RETREG1: variants seen among roughly 807,000 people sequenced by gnomAD.
RETREG1 encodes the protein family with sequence similarity 134 member B.
In RETREG1, 44 loss-of-function variants were observed where a neutral mutation model predicts 54.8. The observed-to-expected ratio is 0.80, with a 90% CI of 0.63 to 1.03. The LOEUF (loss-of-function observed/expected upper bound fraction) is 1.03, where lower values mean the gene tolerates loss of function less well. Ranked by LOEUF, RETREG1 falls within the 50% of genes least tolerant of loss-of-function variation. The pLI is 0.00. For missense variants in RETREG1, 554 were observed against 605.1 expected (o/e 0.92, Z 0.89); for synonymous variants, 217 against 238.5 (o/e 0.91, Z 0.83).
intron 1 of RETREG1, among the ~76,000 whole-genome samples, chr5:16,611,322 G>A (rs1454475313): frequency 2.0e-5 from 3 of 152,238 alleles, no homozygotes; most frequent in Admixed American, 6.5e-5. Context: ...GTTAATGGGT[G>A]CAGCACACCA....
At chr5:16,478,496 G>C (rs572124095) in intron 6 of RETREG1, among the ~76,000 whole-genome samples, 1 of 152,192 alleles carries the variant, frequency 6.6e-6, no homozygotes, top group African/African-American at 2.4e-5. Context: ...CATAAGCCAA[G>C]TTAAAAAGTA....
In RETREG1 at chr5:16,481,085, G is replaced by A; in HGVS notation, c.594C>T (p.Leu198=). ...AAAATGTGCACACACTACAGACCAG[G>A]AGACAAAACTGGAAATAATAGAAAT... The part of the protein sequence containing the change: ...FKQQSPGKFC[L]LVCSVCTFFT... The change falls in exon 5 of 9, where the codon CTC becomes CTT. Residue 198 remains leucine (L), a synonymous_variant. Transcript: ENST00000306320. 1 of 1,610,572 alleles carries A rather than the reference G, an allele frequency of 6.2e-7. No individual in the cohort carries two copies. Among genetic ancestry groups the A allele is most frequent in the South Asian group, 1.1e-5 (1 of 91,014 alleles).
At chr5:16,504,056 C>A (rs756040123) in intron 3 of RETREG1, among the ~76,000 whole-genome samples, 6 of 152,178 alleles carry the variant, frequency 3.9e-5, no homozygotes, top group Non-Finnish European at 7.3e-5. Flanking sequence ...TCTCCCTCCC[C>A]CCAACCCATC....
At chr5:16,516,063 C>CAAA (rs11351805) in intron 3 of RETREG1, among the ~76,000 whole-genome samples, 4 of 121,248 alleles carry the variant, frequency 3.3e-5, no homozygotes, top group African/African-American at 1.2e-4. Flanking sequence ...TGAAATAAAG[C>CAAA]AAAAAAAAAA....
At chr5:16,537,637 G>T (rs1461244957) in intron 3 of RETREG1, among the ~76,000 whole-genome samples, 1 of 152,172 alleles carries the variant, frequency 6.6e-6, no homozygotes. Flanking sequence ...GGCAGAAGTT[G>T]CAGTAAGCCT....
chr5:16,554,098 C>T (rs1053343272), intron 3 of RETREG1, among the ~76,000 whole-genome samples: 1 of 152,202 alleles, frequency 6.6e-6, no homozygotes, highest in African/African-American at 2.4e-5. Context: ...AACCTTTGAG[C>T]TTGCCTCTGA....
chr5:16,562,534 T>A (rs950048125), intron 3 of RETREG1, among the ~76,000 whole-genome samples: 5 of 152,078 alleles, frequency 3.3e-5, no homozygotes, highest in African/African-American at 4.8e-5. Flanking sequence ...GTTTCCCCAA[T>A]AGACTCTCCT....
chr5:16,572,003 T>C lies in RETREG1; in HGVS notation c.420A>G (p.Arg140=). The part of the protein sequence containing the change: ...MQIIKDMVLS[R]TRGAQLWRSL... ...AAATCTGAGTATTCTTACCTCTTGT[T>C]CTAGACAAAACCATATCCTTTATTA... Residue 140 remains arginine (R), a synonymous_variant, in exon 2 of 9, where the codon AGA becomes AGG. Transcript: ENST00000306320. 1.2e-6 allele frequency: 2 copies of C among 1,610,228 alleles called. No individual in the cohort carries two copies.
At chr5:16,497,661 G>C (rs1167719376) in intron 3 of RETREG1, among the ~76,000 whole-genome samples, 1 of 152,172 alleles carries the variant, frequency 6.6e-6, no homozygotes, top group African/African-American at 2.4e-5. Flanking sequence ...TAAATAAAGA[G>C]AAAGATTATC....
At chr5:16,514,848 C>T (rs914026990) in intron 3 of RETREG1, among the ~76,000 whole-genome samples, 2 of 150,642 alleles carry the variant, frequency 1.3e-5, no homozygotes, top group East Asian at 1.9e-4. Flanking sequence ...CAGGTTGCTG[C>T]GAATGCCATT....
At chr5:16,598,436 G>C (rs1742962097) in intron 1 of RETREG1, among the ~76,000 whole-genome samples, 1 of 152,192 alleles carries the variant, frequency 6.6e-6, no homozygotes, top group Non-Finnish European at 1.5e-5. Context: ...GTGAGTATTT[G>C]CTAATGAAAC....
rs403565 is a variant in RETREG1, at chr5:16,585,222, T to C, written c.321-13120A>G. Among the ~76,000 whole-genome samples the C allele has an allele frequency of 0.091, 13,881 of 152,230 alleles. 667 individuals are homozygous for C. The highest frequency in any genetic ancestry group is 0.11 in the Non-Finnish European group (7,154 of 68,016). ...GATAATCCAGTGAATTCAGGGAATG[T>C]GCCCAGGTCAGCAAGGCATGGTGGA... On this transcript the variant is annotated intron_variant, in intron 1 of 8. Coordinates refer to ENST00000306320, the MANE Select transcript of RETREG1 (RefSeq NM_001034850.3). The surrounding 1 kb of genome is among the most constrained non-coding windows in gnomAD (Gnocchi z 4.5).
intron 3 of RETREG1, among the ~76,000 whole-genome samples, chr5:16,534,698 G>A (rs899333772): frequency 4.6e-5 from 7 of 152,122 alleles, no homozygotes; most frequent in Non-Finnish European, 8.8e-5. Context: ...CACTTTCCAA[G>A]GGAGACTCAT....
At chr5:16,513,773 T>C (rs1740258470) in intron 3 of RETREG1, among the ~76,000 whole-genome samples, 2 of 152,308 alleles carry the variant, frequency 1.3e-5, no homozygotes, top group South Asian at 4.1e-4. Context: ...GTTTTCTCTG[T>C]TCGATGCTCC....
Position 16,481,083 on chromosome 5 carries a change from A to G in RETREG1, c.596T>C (p.Leu199Pro), listed in dbSNP as rs761449366. 2 of 1,611,034 alleles carry G rather than the reference A, an allele frequency of 1.2e-6. No homozygotes were observed. The highest frequency in any genetic ancestry group is 1.3e-5 in the African/African-American group (1 of 74,932). ...AAAAAATGTGCACACACTACAGACCAGGAGACAAAACTGGAAATAATAGAA... is the reference window on the plus strand; with the variant it reads ...AAAAAATGTGCACACACTACAGACCGGGAGACAAAACTGGAAATAATAGAA... Reference protein sequence around the residue: ...KQQSPGKFCLLVCSVCTFFTI... With the variant: ...KQQSPGKFCLPVCSVCTFFTI... The change falls in exon 5 of 9, where the codon CTG becomes CCG. Residue 199 changes from leucine (L) to proline (P), a missense_variant. Physicochemically the swap from Leu to Pro is moderately conservative, Grantham distance 98 (BLOSUM62 -3). This residue lies in a region of RETREG1 where 347 missense variants were observed against 412.3 expected (regional missense o/e 0.84). Transcript: ENST00000306320.
chr5:16,475,231 A>G lies in RETREG1; in HGVS notation c.1004T>C (p.Leu335Pro). ...GAAAACTTCCTCACTGGGTCGGTCA[A>G]GATCTGTGAAATGGATAACAGAAGT... ...YTPQTDTSDDLDRPSEEVFSR... is the reference protein window; with the variant it reads ...YTPQTDTSDDPDRPSEEVFSR... Residue 335 changes from leucine to proline, a missense_variant, in exon 9 of 9, where the codon CTT becomes CCT. This residue lies in a region of RETREG1 where 347 missense variants were observed against 412.3 expected (regional missense o/e 0.84). Transcript: ENST00000306320. 1.2e-6 allele frequency: 2 copies of G among 1,611,526 alleles called. No homozygotes were observed. Among genetic ancestry groups the G allele is most frequent in the Non-Finnish European group, 1.7e-6 (2 of 1,179,758 alleles).
intron 3 of RETREG1, among the ~76,000 whole-genome samples, chr5:16,484,170 T>A (rs182486820): frequency 6.6e-6 from 1 of 152,120 alleles, no homozygotes; most frequent in African/African-American, 2.4e-5. Flanking sequence ...GTGTGATGCA[T>A]GGGCCGGCAA....
At chr5:16,603,891 C>T (rs1743115742) in intron 1 of RETREG1, among the ~76,000 whole-genome samples, 2 of 146,802 alleles carry the variant, frequency 1.4e-5, no homozygotes, top group Non-Finnish European at 3.0e-5. Context: ...AGAGCACACA[C>T]AAAAGGGAAC....
intron 1 of RETREG1, among the ~76,000 whole-genome samples, chr5:16,604,829 TG>T (rs1418375142): frequency 1.3e-5 from 2 of 152,264 alleles, no homozygotes; most frequent in African/African-American, 4.8e-5. Context: ...CTGAATCATT[TG>T]GCAAAACATT....
Sources: gnomAD v4.1 joint callset for allele counts (sites outside exome capture counted in the v4.1 genomes callset) on GRCh38, gnomAD v4.1.1 for gene constraint, gnomAD v4.1.1 regional missense constraint, Gnocchi (gnomAD v3.1) non-coding constraint, MANE v1.5 for transcripts, NCBI Gene and HGNC (gene_info 2026-07-23, HGNC 2026-07-21) for gene names.